RALGPS1: variants seen among roughly 807,000 people sequenced by gnomAD.
RALGPS1 encodes the protein ras-specific guanine nucleotide-releasing factor RalGPS1.
In RALGPS1, 19 loss-of-function variants were observed where a neutral mutation model predicts 78.8. The ratio of observed to expected loss-of-function variants is 0.24; its 90% CI spans 0.17 to 0.35. The LOEUF (loss-of-function observed/expected upper bound fraction) is 0.35, where lower values mean the gene tolerates loss of function less well. Ranked by LOEUF, RALGPS1 falls within the 10% of genes least tolerant of loss-of-function variation. The pLI is 1.00. For missense variants in RALGPS1, 454 were observed against 688.3 expected (o/e 0.66, Z 3.81); for synonymous variants, 228 against 256.3 (o/e 0.89, Z 1.06).
intron 1 of RALGPS1, among the ~76,000 whole-genome samples, chr9:126,925,129 AAAATAAATAAAT>A (rs545566022): frequency 1.3e-4 from 19 of 151,964 alleles, no homozygotes; most frequent in Non-Finnish European, 2.5e-4. Context: ...CTCCATCTCA[AAAATAAATAAAT>A]AAATAAATAA....
intron 2 of RALGPS1, among the ~76,000 whole-genome samples, chr9:126,964,484 C>T (rs951735163): frequency 2.0e-5 from 3 of 152,004 alleles, no homozygotes; most frequent in African/African-American, 7.3e-5. Context: ...TTATATAACC[C>T]GTACTATAGC....
chr9:127,033,641 C>T (rs1271248715), intron 4 of RALGPS1, among the ~76,000 whole-genome samples: 1 of 152,190 alleles, frequency 6.6e-6, no homozygotes, highest in East Asian at 1.9e-4. Context: ...TGTTTCAGGG[C>T]TCCACAAGGC....
At position 127,114,555 on chromosome 9, in the gene RALGPS1, A is replaced by G. The variant is rs1476409032; in HGVS notation, c.610+45199A>G. Among the ~76,000 whole-genome samples the G allele has an allele frequency of 2.0e-5, 3 of 152,216 alleles. No individual in the cohort carries two copies. In the East Asian group the frequency reaches 5.8e-4, roughly 29 times the overall value. The stretch of plus-strand genomic sequence containing the variant: ...GATCCCAGGGAAGCCTCCAAATTAA[A>G]TCCGGATCTCAGGAGTTGATTCATC... On this transcript the variant is annotated intron_variant, in intron 8 of 18. Transcript: ENST00000259351.
At chr9:127,209,291 C>T (rs1413437861) in intron 14 of RALGPS1, among the ~76,000 whole-genome samples, 2 of 152,260 alleles carry the variant, frequency 1.3e-5, no homozygotes, top group African/African-American at 2.4e-5. Context: ...TGCTAGTGCA[C>T]TCACTTGCGA....
intron 1 of RALGPS1, among the ~76,000 whole-genome samples, chr9:126,926,266 C>CAG (rs778318667): frequency 6.6e-6 from 1 of 152,212 alleles, no homozygotes; most frequent in Non-Finnish European, 1.5e-5. Flanking sequence ...CTTGACACTG[C>CAG]AGACCCTACC....
intron 8 of RALGPS1, among the ~76,000 whole-genome samples, chr9:127,120,199 A>G (rs2055901310): frequency 6.6e-6 from 1 of 152,188 alleles, no homozygotes; most frequent in African/African-American, 2.4e-5. Flanking sequence ...CCACAGCACT[A>G]AGGTAGCTGC....
At chr9:127,127,813 GGA>G (rs2056729123) in intron 8 of RALGPS1, among the ~76,000 whole-genome samples, 1 of 151,998 alleles carries the variant, frequency 6.6e-6, no homozygotes, top group Admixed American at 6.5e-5. Context: ...AATGGGACTG[GGA>G]ATAAAATCTG....
At chr9:127,011,920 A>G (rs897033349) in intron 4 of RALGPS1, among the ~76,000 whole-genome samples, 1 of 152,182 alleles carries the variant, frequency 6.6e-6, no homozygotes, top group African/African-American at 2.4e-5. Flanking sequence ...AAGCCAGATT[A>G]TTTTATGATC....
Position 127,091,526 on chromosome 9 carries a change from GGGGTGGTAACA to G in RALGPS1, c.610+22175_610+22185del. 1 of 1,123,240 alleles carries G rather than the reference GGGGTGGTAACA, an allele frequency of 8.9e-7. No homozygotes were observed. The highest frequency in any genetic ancestry group is 2.4e-5 in the East Asian group (1 of 42,090). 69.6% of individuals were successfully genotyped at this position (1,123,240 alleles called of 1,614,324 possible). ...TGTGGGCAGGAGAAGGGACCCTCAG[GGGGTGGTAACA>G]GGGTCAGGCAGCTTGGCCCAGCTGC... On this transcript the variant is annotated intron_variant, in intron 8 of 18. Coordinates refer to ENST00000259351, the MANE Select transcript of RALGPS1 (RefSeq NM_014636.3). This position sits in a 1 kb window ranked among gnomAD's most constrained non-coding sequence, Gnocchi z 4.3.
chr9:126,979,321 G>A (rs1332229602), intron 4 of RALGPS1, among the ~76,000 whole-genome samples: 1 of 151,406 alleles, frequency 6.6e-6, no homozygotes, highest in African/African-American at 2.4e-5. Flanking sequence ...AGCTTTGTTT[G>A]CTTTTTTTGA....
At chr9:126,985,617 A>G (rs2041726455) in intron 4 of RALGPS1, among the ~76,000 whole-genome samples, 1 of 152,238 alleles carries the variant, frequency 6.6e-6, no homozygotes, top group African/African-American at 2.4e-5. Context: ...TAATACGAAT[A>G]TTACTACTAA....
intron 8 of RALGPS1, 122 bp downstream of exon 8, chr9:127,069,478 T>C: frequency 1.7e-6 from 2 of 1,152,132 alleles, no homozygotes; most frequent in Middle Eastern, 2.0e-4. Flanking sequence ...AAAGAGGCAA[T>C]TGGTTGGCTC....
chr9:127,027,900 A>G (rs932623202), intron 4 of RALGPS1, among the ~76,000 whole-genome samples: 3 of 152,142 alleles, frequency 2.0e-5, no homozygotes, highest in East Asian at 1.9e-4. Flanking sequence ...TCATCCATCA[A>G]TTGGTGCCTA....
At chr9:127,127,531 T>C (rs2138057123) in intron 8 of RALGPS1, among the ~76,000 whole-genome samples, 2 of 152,296 alleles carry the variant, frequency 1.3e-5, no homozygotes, top group South Asian at 4.1e-4. Context: ...GATCATAGTC[T>C]GTTGGGAAAT....
At chr9:126,942,602 T>A (rs1304512488) in intron 1 of RALGPS1, among the ~76,000 whole-genome samples, 2 of 152,224 alleles carry the variant, frequency 1.3e-5, no homozygotes, top group Admixed American at 6.5e-5. Context: ...CCATTTATCA[T>A]TGACTGTGGC....
intron 8 of RALGPS1, chr9:127,088,447 T>C (rs1326604282): frequency 6.0e-6 from 1 of 167,386 alleles, no homozygotes; most frequent in Non-Finnish European, 1.3e-5. Flanking sequence ...AATGAAATGC[T>C]TTTCTCCTAA....
Position 127,212,367 on chromosome 9 carries a change from G to A in RALGPS1, c.1353+131G>A. On this transcript the variant is annotated intron_variant, in intron 15 of 18. Coordinates refer to ENST00000259351, the MANE Select transcript of RALGPS1 (RefSeq NM_014636.3). The surrounding 1 kb of genome is among the most constrained non-coding windows in gnomAD (Gnocchi z 6.0). ...GCTTGCAGTGGGCATGCAGCGAGCT[G>A]AACTCTCAGGAATTATACCTGACAC... 1 of 709,402 alleles carries A rather than the reference G, an allele frequency of 1.4e-6. No individual in the cohort carries two copies. The highest frequency in any genetic ancestry group is 2.3e-6 in the Non-Finnish European group (1 of 431,486). 43.9% of individuals were successfully genotyped at this position (709,402 alleles called of 1,614,324 possible).
chr9:127,128,718 G>A (rs1290804986), intron 8 of RALGPS1, among the ~76,000 whole-genome samples: 1 of 152,202 alleles, frequency 6.6e-6, no homozygotes, highest in East Asian at 1.9e-4. Flanking sequence ...GTGACTCTCC[G>A]CACCATGCCG....
chr9:127,080,054 A>G (rs2051031016), intron 8 of RALGPS1, among the ~76,000 whole-genome samples: 1 of 152,154 alleles, frequency 6.6e-6, no homozygotes, highest in Non-Finnish European at 1.5e-5. Context: ...GCTAGTTTTG[A>G]GGTGGGGGGA....
Sources: gnomAD v4.1 joint callset for allele counts (sites outside exome capture counted in the v4.1 genomes callset) on GRCh38, gnomAD v4.1.1 for gene constraint, Gnocchi (gnomAD v3.1) non-coding constraint, MANE v1.5 for transcripts, NCBI Gene and HGNC (gene_info 2026-07-23, HGNC 2026-07-21) for gene names.